Variants in CDC14B observed in about 807,000 individuals in gnomAD.
CDC14B encodes dual specificity protein phosphatase CDC14B.
In CDC14B, 22 loss-of-function variants were observed where a neutral mutation model predicts 64.2. The observed-to-expected ratio is 0.34, with a 90% confidence interval of 0.24 to 0.49. CDC14B has a LOEUF of 0.49. CDC14B is among the 20% of genes least tolerant of loss of function. The probability of loss-of-function intolerance (pLI) is 0.99; values close to 1 mark genes in which losing one functional copy is unlikely to be tolerated. For missense variants in CDC14B, 498 were observed against 629.9 expected (o/e 0.79, Z 2.24); for synonymous variants, 191 against 215.8 (o/e 0.89, Z 1.01).
chr9:96,540,324 T>C (rs1839867628), intron 6 of CDC14B, among the ~76,000 whole-genome samples: 1 of 152,048 alleles, frequency 6.6e-6, no homozygotes, highest in Admixed American at 6.6e-5. Context: ...CAGAAGATAG[T>C]GACCCTTAAA....
intron 1 of CDC14B, 21 bp from the exon 2 acceptor site, chr9:96,565,504 T>C: frequency 1.3e-6 from 2 of 1,486,626 alleles, no homozygotes; most frequent in Non-Finnish European, 1.9e-6. Flanking sequence ...AAAATTGCAA[T>C]GTTCCTTCCT....
intron 12 of CDC14B, among the ~76,000 whole-genome samples, chr9:96,512,254 T>C (rs1407820817): frequency 6.6e-6 from 1 of 151,304 alleles, no homozygotes; most frequent in East Asian, 1.9e-4. Context: ...AATTGTATGA[T>C]TAAAGACAAC....
At chr9:96,589,832 G>A (rs1845675570) in intron 1 of CDC14B, among the ~76,000 whole-genome samples, 1 of 151,818 alleles carries the variant, frequency 6.6e-6, no homozygotes, top group African/African-American at 2.4e-5. Context: ...GTGGTGGCGG[G>A]TGCCTGTAGT....
At chr9:96,493,104 C>T (rs975219918) in exon 14 of CDC14B, 3 of 152,354 alleles carry the variant, frequency 2.0e-5, no homozygotes, top group Non-Finnish European at 4.4e-5. Flanking sequence ...CTGCTGTCCT[C>T]TGAAACTGTA....
intron 1 of CDC14B, among the ~76,000 whole-genome samples, chr9:96,585,096 T>C (rs989634493): frequency 2.2e-4 from 34 of 152,322 alleles, no homozygotes; most frequent in African/African-American, 7.5e-4. Flanking sequence ...ACTCAACATA[T>C]TAATAAGTAA....
At chr9:96,497,295 GGC>G, downstream of CDC14B, among the ~76,000 whole-genome samples, 1 of 105,460 alleles carries the variant, frequency 9.5e-6, no homozygotes, top group African/African-American at 3.5e-5. Context: ...GAGGCGGGGA[GGC>G]AGGGGCGGGG....
chr9:96,613,568 A>T (rs776979317), intron 1 of CDC14B, among the ~76,000 whole-genome samples: 5 of 152,240 alleles, frequency 3.3e-5, no homozygotes, highest in Admixed American at 6.5e-5. Context: ...TAAAGCAGAT[A>T]ACTAACATGA....
At chr9:96,557,568 T>C (rs1171587665) in intron 4 of CDC14B, among the ~76,000 whole-genome samples, 1 of 152,220 alleles carries the variant, frequency 6.6e-6, no homozygotes, top group Admixed American at 6.5e-5. Context: ...CATCATTAAA[T>C]AACAAAGTCC....
At chr9:96,595,211 T>C (rs1846003318) in intron 1 of CDC14B, among the ~76,000 whole-genome samples, 1 of 152,134 alleles carries the variant, frequency 6.6e-6, no homozygotes, top group Non-Finnish European at 1.5e-5. Context: ...TAACAAATCA[T>C]AAAAGCAAGA....
intron 9 of CDC14B, among the ~76,000 whole-genome samples, chr9:96,529,138 G>C (rs1838033862): frequency 6.6e-6 from 1 of 152,066 alleles, no homozygotes; most frequent in African/African-American, 2.4e-5. Context: ...CAGTGCCTTT[G>C]GTGTCATATT....
chr9:96,588,991 T>A (rs949979158), intron 1 of CDC14B, among the ~76,000 whole-genome samples: 3 of 152,094 alleles, frequency 2.0e-5, no homozygotes, highest in Non-Finnish European at 4.4e-5. Flanking sequence ...AAAGCAGGAG[T>A]TAAATCTTTC....
At chr9:96,546,108 C>T (rs976404644) in intron 5 of CDC14B, among the ~76,000 whole-genome samples, 5 of 152,150 alleles carry the variant, frequency 3.3e-5, no homozygotes, top group Non-Finnish European at 5.9e-5. Context: ...TGGCAGCTTT[C>T]GTAACAGCTC....
intron 1 of CDC14B, among the ~76,000 whole-genome samples, chr9:96,603,161 C>A (rs1052146748): frequency 2.1e-5 from 3 of 145,582 alleles, no homozygotes; most frequent in Non-Finnish European, 4.5e-5. Flanking sequence ...AACGGACACA[C>A]ACACACACAC....
chr9:96,540,264 T>C (rs1839861748), intron 6 of CDC14B, among the ~76,000 whole-genome samples: 1 of 152,228 alleles, frequency 6.6e-6, no homozygotes, highest in Non-Finnish European at 1.5e-5. Flanking sequence ...TTTCTTCATA[T>C]ATGCAATATT....
intron 1 of CDC14B, among the ~76,000 whole-genome samples, chr9:96,605,385 G>A (rs1248358042): frequency 5.3e-5 from 8 of 152,156 alleles, no homozygotes; most frequent in Non-Finnish European, 1.2e-4. Context: ...GACACAAGCA[G>A]GGGTAAGTGA....
intron 1 of CDC14B, among the ~76,000 whole-genome samples, chr9:96,618,156 C>G (rs1847755212): frequency 6.6e-6 from 1 of 152,196 alleles, no homozygotes; most frequent in Non-Finnish European, 1.5e-5. Flanking sequence ...TATTATTTCT[C>G]CTAAACGTCT....
chr9:96,523,236 A>G, intron 11 of CDC14B, 25 bp downstream of exon 11: 3 of 1,612,502 alleles, frequency 1.9e-6, no homozygotes, highest in Non-Finnish European at 2.5e-6. Context: ...CAGTAACAAC[A>G]TCGCAACAGA....
At chr9:96,496,474 A>ACTCTCAAC, downstream of CDC14B, 1 of 408,462 alleles carries the variant, frequency 2.4e-6, no homozygotes, top group South Asian at 1.8e-5. Context: ...TGGGCCGCTA[A>ACTCTCAAC]CTCTCAACCG....
intron 5 of CDC14B, among the ~76,000 whole-genome samples, chr9:96,550,125 T>C (rs1464596984): frequency 1.3e-5 from 2 of 152,196 alleles, no homozygotes; most frequent in Non-Finnish European, 2.9e-5. Flanking sequence ...AATACAAGCA[T>C]TTCTTTTAAA....
Sources: allele counts gnomAD v4.1 joint callset (sites outside exome capture counted in the v4.1 genomes callset), GRCh38; gene constraint gnomAD v4.1.1; transcripts MANE v1.5; gene names NCBI Gene and HGNC (gene_info 2026-07-23, HGNC 2026-07-21).